SPAG16: variants seen among roughly 807,000 people sequenced by gnomAD.
SPAG16 encodes sperm-associated antigen 16 protein.
In SPAG16, 86 loss-of-function variants were observed where a neutral mutation model predicts 80.4. The observed-to-expected ratio is 1.07, with a 90% CI of 0.90 to 1.28. SPAG16 has a LOEUF of 1.28. SPAG16 is among the 50% of genes most tolerant of loss of function. The pLI is 0.00. For synonymous variants in SPAG16, 294 were observed against 265.9 expected (o/e 1.11, Z -1.03); for missense variants, 870 against 765.3 (o/e 1.14, Z -1.61).
rs566001515 is a variant in SPAG16 at position 214,141,601 on chromosome 2, T to C, written c.1594-7539T>C. Among the ~76,000 whole-genome samples the C allele has an allele frequency of 5.9e-5, 9 of 152,318 alleles. No homozygotes were observed. The South Asian group carries it at 1.9e-3, about 32-fold the overall frequency. On this transcript the variant is annotated intron_variant, in intron 14 of 15. Coordinates refer to ENST00000331683, the MANE Select transcript of SPAG16 (RefSeq NM_024532.5). ...AACATTAATACTTCTTTCCATAAGA[T>C]ATTTAAACATTTGTATTCATTAAAT...
chr2:213,779,183 T>G lies in SPAG16; in HGVS notation c.1071-83302T>G, dbSNP rs535671854. On this transcript the variant is annotated intron_variant, in intron 10 of 15. Coordinates refer to ENST00000331683, the MANE Select transcript of SPAG16 (RefSeq NM_024532.5). ...TGCTACTCCATAAGTTTTCTTTGTT[T>G]TTAGTTATACCTCCAACTTCTTTTT... Among the ~76,000 whole-genome samples the G allele has an allele frequency of 1.6e-4, 25 of 152,342 alleles. 1 individual carries two copies. The highest frequency in any genetic ancestry group is 5.5e-4 in the African/African-American group (23 of 41,576).
intron 15 of SPAG16, among the ~76,000 whole-genome samples, chr2:214,256,041 A>G (rs1690661543): frequency 6.6e-6 from 1 of 151,956 alleles, no homozygotes; most frequent in South Asian, 2.1e-4. Flanking sequence ...TTTTCTCATA[A>G]TAAGGATATA....
chr2:213,972,118 A>G (rs1262024677), intron 12 of SPAG16, among the ~76,000 whole-genome samples: 2 of 151,694 alleles, frequency 1.3e-5, no homozygotes, highest in Admixed American at 1.3e-4. Flanking sequence ...TTCAGTTACC[A>G]TTGTGATTTT....
At chr2:213,313,629 T>G (rs1398628897) in intron 4 of SPAG16, among the ~76,000 whole-genome samples, 1 of 151,868 alleles carries the variant, frequency 6.6e-6, no homozygotes, top group East Asian at 1.9e-4. Context: ...AGAGAATCTT[T>G]GAAAAAATTA....
At chr2:213,862,028 G>A (rs2075488168) in intron 10 of SPAG16, among the ~76,000 whole-genome samples, 1 of 152,142 alleles carries the variant, frequency 6.6e-6, no homozygotes, top group South Asian at 2.1e-4. Context: ...CTATGATAAT[G>A]TGGTTATGAT....
At chr2:213,396,356 T>C (rs1329419497) in intron 9 of SPAG16, among the ~76,000 whole-genome samples, 1 of 152,236 alleles carries the variant, frequency 6.6e-6, no homozygotes, top group Non-Finnish European at 1.5e-5. Context: ...ATTTGGACAT[T>C]CTTTAACATC....
In SPAG16 at chr2:214,010,559, G is replaced by A. The variant is rs78912706; in HGVS notation, c.1401-3392G>A. ...AGCAAACGAACCCCAAAGAAGGTTG[G>A]ATGGGAGATTGGAGAGACTAGACTG... On this transcript the variant is annotated intron_variant, in intron 12 of 15. Transcript: ENST00000331683. Among the ~76,000 whole-genome samples, 1,099 of 146,710 alleles carry A rather than the reference G, an allele frequency of 7.5e-3. 185 individuals carry two copies. Among genetic ancestry groups the A allele is most frequent in the African/African-American group, 0.028 (1,058 of 37,572 alleles).
At chr2:213,959,477 A>T (rs1378100902) in intron 12 of SPAG16, among the ~76,000 whole-genome samples, 1 of 152,226 alleles carries the variant, frequency 6.6e-6, no homozygotes, top group Non-Finnish European at 1.5e-5. Flanking sequence ...CCCAAACCCT[A>T]ACACACCTCA....
rs559447598 is a variant in SPAG16, at chr2:214,126,083, G to T, written c.1593+17822G>T. Among the ~76,000 whole-genome samples, 238 of 44,324 alleles carry T rather than the reference G, an allele frequency of 5.4e-3. 4 individuals are homozygous for T. The highest frequency in any genetic ancestry group is 0.028 in the South Asian group (40 of 1,446). The allele number at this position is 44,324 out of a possible 152,430, so 29.1% of individuals were successfully genotyped here. ...CCTTTTTTTTTTTTTTTTTTTTTTT[G>T]GCGTTTCTGTATAGCATTTCTTTCA... On this transcript the variant is annotated intron_variant, in intron 14 of 15. Transcript: ENST00000331683.
chr2:213,746,418 C>T (rs2067824869), intron 10 of SPAG16, among the ~76,000 whole-genome samples: 1 of 152,190 alleles, frequency 6.6e-6, no homozygotes, highest in South Asian at 2.1e-4. Flanking sequence ...CACCTAGTGA[C>T]ACTGTAGCCG....
intron 15 of SPAG16, among the ~76,000 whole-genome samples, chr2:214,399,678 A>T (rs569044731): frequency 2.0e-5 from 3 of 152,134 alleles, no homozygotes; most frequent in African/African-American, 7.2e-5. Flanking sequence ...ACTTTACAAT[A>T]AGACAAAAAT....
chr2:213,344,934 A>C (rs62192310), intron 6 of SPAG16, among the ~76,000 whole-genome samples: 20 of 152,024 alleles, frequency 1.3e-4, no homozygotes, highest in African/African-American at 4.8e-4. Flanking sequence ...TTTCTAGTTC[A>C]AGATCCCTGA....
At chr2:214,206,185 T>A (rs969548131) in intron 15 of SPAG16, among the ~76,000 whole-genome samples, 13 of 151,750 alleles carry the variant, frequency 8.6e-5, no homozygotes, top group African/African-American at 1.9e-4. Flanking sequence ...TCTCAAAAAA[T>A]ATATATATAT....
chr2:213,914,307 A>C (rs2077844385), intron 11 of SPAG16, among the ~76,000 whole-genome samples: 1 of 152,208 alleles, frequency 6.6e-6, no homozygotes, highest in African/African-American at 2.4e-5. Flanking sequence ...CAAAAAAATT[A>C]ATGAAAAGTG....
chr2:214,156,862 C>G (rs2056238591), intron 15 of SPAG16, among the ~76,000 whole-genome samples: 1 of 152,128 alleles, frequency 6.6e-6, no homozygotes, highest in Non-Finnish European at 1.5e-5. Context: ...TGTTTTATCT[C>G]TAAAGCATAA....
intron 10 of SPAG16, among the ~76,000 whole-genome samples, chr2:213,631,075 G>A (rs1015795876): frequency 6.6e-6 from 1 of 152,010 alleles, no homozygotes; most frequent in Non-Finnish European, 1.5e-5. Flanking sequence ...AACACTACCG[G>A]CAAAACTACA....
At chr2:213,483,148 T>C (rs1230717171) in intron 9 of SPAG16, among the ~76,000 whole-genome samples, 1 of 152,144 alleles carries the variant, frequency 6.6e-6, no homozygotes, top group African/African-American at 2.4e-5. Context: ...TAAATAATGT[T>C]TCATCATCTG....
intron 10 of SPAG16, among the ~76,000 whole-genome samples, chr2:213,620,803 T>C (rs1371572989): frequency 1.3e-5 from 2 of 152,162 alleles, no homozygotes; most frequent in African/African-American, 4.8e-5. Context: ...GCTTTTATTG[T>C]CAAATGTAAT....
chr2:213,933,437 T>C (rs2078857032), intron 12 of SPAG16, among the ~76,000 whole-genome samples: 1 of 152,214 alleles, frequency 6.6e-6, no homozygotes. Context: ...GGTATTCTAG[T>C]TGACTCCTGG....
Sources: allele counts gnomAD v4.1 joint callset (sites outside exome capture counted in the v4.1 genomes callset), GRCh38; gene constraint gnomAD v4.1.1; transcripts MANE v1.5; gene names NCBI Gene and HGNC (gene_info 2026-07-23, HGNC 2026-07-21).